Variants in LPP observed in about 807,000 individuals in gnomAD.
LPP encodes LIM domain containing preferred translocation partner in lipoma, also known as lipoma-preferred partner.
In LPP, 38 loss-of-function variants were observed where a neutral mutation model predicts 60.4. That is an observed-to-expected ratio of 0.63 (90% confidence interval 0.49 to 0.83). LPP has a LOEUF of 0.83. Among genes scored for constraint, LPP ranks in the 40% least tolerant of loss-of-function variants. The pLI is 0.00. For synonymous variants in LPP, 328 were observed against 290.8 expected, an observed-to-expected ratio of 1.13 and a Z score of -1.30; for missense variants, 902 against 783.6, an observed-to-expected ratio of 1.15 and a Z score of -1.80.
intron 9 of LPP, among the ~76,000 whole-genome samples, chr3:188,829,277 G>A (rs115668268): frequency 0.012 from 1,847 of 152,174 alleles, 38 homozygotes; most frequent in African/African-American, 0.042. Context: ...CGGGAATACC[G>A]AACTAATGGT....
intron 4 of LPP, among the ~76,000 whole-genome samples, chr3:188,432,346 C>T (rs575010168): frequency 6.6e-6 from 1 of 152,244 alleles, no homozygotes; most frequent in South Asian, 2.1e-4. Context: ...TCTGTGTATA[C>T]AGCGATAGCT....
At chr3:188,852,802 C>T (rs879701764) in intron 9 of LPP, among the ~76,000 whole-genome samples, 8 of 152,052 alleles carry the variant, frequency 5.3e-5, no homozygotes, top group Non-Finnish European at 1.2e-4. Context: ...CAACTGAGGA[C>T]TTCAAAGGTA....
At position 188,190,584 on chromosome 3, in the gene LPP, G is replaced by C. The variant is rs1727894289; in HGVS notation, c.-189-34821G>C. Among the ~76,000 whole-genome samples, 3 of 152,210 alleles carry C rather than the reference G, an allele frequency of 2.0e-5. No homozygotes were observed. The South Asian group carries it at 6.2e-4, about 31-fold the overall frequency. On this transcript the variant is annotated intron_variant, in intron 1 of 11. Coordinates refer to ENST00000617246, the MANE Select transcript of LPP (RefSeq NM_001375462.1). ...GGTCTCATAAGTGCTTGCATTCTAG[G>C]AGGCAAGACAGACAACAAAGTAAAC...
At chr3:188,692,691 G>A (rs1267927371) in intron 7 of LPP, among the ~76,000 whole-genome samples, 1 of 152,178 alleles carries the variant, frequency 6.6e-6, no homozygotes, top group Non-Finnish European at 1.5e-5. Flanking sequence ...AATATCTTTA[G>A]CATGGCACTT....
intron 8 of LPP, chr3:188,709,145 T>C (rs191072000): frequency 6.6e-6 from 1 of 152,208 alleles, no homozygotes; most frequent in East Asian, 1.9e-4. Context: ...TAACTAGGAA[T>C]GGTTAATCCT....
chr3:188,784,087 C>T (rs1315182247), intron 9 of LPP, among the ~76,000 whole-genome samples: 2 of 151,498 alleles, frequency 1.3e-5, no homozygotes, highest in South Asian at 4.2e-4. Flanking sequence ...TCCACGCTTC[C>T]CCCCAAATCC....
intron 4 of LPP, among the ~76,000 whole-genome samples, chr3:188,444,846 GA>G (rs1449782803): frequency 2.6e-5 from 4 of 152,174 alleles, no homozygotes; most frequent in Non-Finnish European, 5.9e-5. Context: ...GCACTTCTCA[GA>G]AGAAGACATT....
chr3:188,744,795 G>A (rs1725603895), intron 8 of LPP, among the ~76,000 whole-genome samples: 1 of 151,980 alleles, frequency 6.6e-6, no homozygotes, highest in African/African-American at 2.4e-5. Flanking sequence ...ACTTGAAACT[G>A]GTATCTTCCT....
chr3:188,678,232 G>A (rs1279300568), intron 7 of LPP, among the ~76,000 whole-genome samples: 2 of 152,178 alleles, frequency 1.3e-5, no homozygotes, highest in Non-Finnish European at 2.9e-5. Context: ...CCTCAATTCT[G>A]AATGAATGAG....
intron 5 of LPP, among the ~76,000 whole-genome samples, chr3:188,488,311 CAAA>C (rs915773955): frequency 6.6e-6 from 1 of 151,908 alleles, no homozygotes; most frequent in East Asian, 1.9e-4. Context: ...TTTATTTCTT[CAAA>C]AAAGGCAAAT....
At chr3:188,770,327 C>T (rs1001358825) in intron 9 of LPP, among the ~76,000 whole-genome samples, 3 of 147,520 alleles carry the variant, frequency 2.0e-5, no homozygotes, top group African/African-American at 5.0e-5. Flanking sequence ...TACAAGCACC[C>T]GCCACCACGC....
chr3:188,477,976 T>C (rs986144478), intron 4 of LPP, among the ~76,000 whole-genome samples: 3 of 152,318 alleles, frequency 2.0e-5, no homozygotes, highest in Admixed American at 6.5e-5. Context: ...TTGATGCAGA[T>C]TGAGGATGGA....
chr3:188,410,618 T>C (rs931925329), intron 4 of LPP, among the ~76,000 whole-genome samples: 2 of 152,222 alleles, frequency 1.3e-5, no homozygotes, highest in African/African-American at 4.8e-5. Flanking sequence ...TTTCACTGAT[T>C]TTGTAACAAG....
intron 3 of LPP, among the ~76,000 whole-genome samples, chr3:188,377,682 A>G (rs1025532742): frequency 1.3e-5 from 2 of 151,934 alleles, no homozygotes; most frequent in Non-Finnish European, 2.9e-5. Flanking sequence ...TAGTTTGATC[A>G]TCTGAAGCCT....
In LPP at chr3:188,386,027, G is replaced by A. The variant is rs1050682419; in HGVS notation, c.-9-20085G>A. Among the ~76,000 whole-genome samples the A allele has an allele frequency of 7.9e-5, 12 of 151,996 alleles. No individual in the cohort carries two copies. The East Asian group carries it at 2.3e-3, about 29-fold the overall frequency. On this transcript the variant is annotated intron_variant, in intron 3 of 11. Transcript: ENST00000617246. ...AGTCCCACCATTTTAATTTTATCAT[G>A]ATTTGAATAATATCACAAGGGAATG...
In LPP at chr3:188,461,756, C is replaced by G. The variant is rs182188034; in HGVS notation, c.194-22836C>G. Among the ~76,000 whole-genome samples, 681 of 152,236 alleles carry G rather than the reference C, an allele frequency of 4.5e-3. 3 individuals carry two copies. The highest frequency in any genetic ancestry group is 0.032 in the South Asian group (153 of 4,828). On this transcript the variant is annotated intron_variant, in intron 4 of 11. Coordinates refer to ENST00000617246, the MANE Select transcript of LPP (RefSeq NM_001375462.1). ...AGATTTTTATATATGCCTAGTCTTG[C>G]AAAGTTATTGTAGGCAGCACCTTAA...
chr3:188,232,497 C>T (rs1720387241), intron 2 of LPP, among the ~76,000 whole-genome samples: 1 of 145,728 alleles, frequency 6.9e-6, no homozygotes, highest in African/African-American at 2.6e-5. Flanking sequence ...TGCCATCACA[C>T]CCGGCTATTT....
chr3:188,179,225 C>T (rs551203630), intron 1 of LPP: 8 of 457,826 alleles, frequency 1.7e-5, no homozygotes, highest in South Asian at 1.1e-4. Context: ...CCGTGAAGAG[C>T]ATGCATGGAA....
At chr3:188,407,798 T>G (rs1282155133) in intron 4 of LPP, among the ~76,000 whole-genome samples, 12 of 140,186 alleles carry the variant, frequency 8.6e-5, no homozygotes, top group Non-Finnish European at 1.4e-4. Context: ...GTTTTTTTTT[T>G]TTTTTTTTTG....
Sources: gnomAD v4.1 joint callset for allele counts (sites outside exome capture counted in the v4.1 genomes callset) on GRCh38, gnomAD v4.1.1 for gene constraint, MANE v1.5 for transcripts, NCBI Gene and HGNC (gene_info 2026-07-23, HGNC 2026-07-21) for gene names.